OPRD1: variants seen among roughly 807,000 people sequenced by gnomAD.
OPRD1 encodes delta-type opioid receptor.
In OPRD1, 19 loss-of-function variants were observed where a neutral mutation model predicts 17.5. That is an observed-to-expected ratio of 1.09 (90% CI 0.76 to 1.60). The LOEUF (loss-of-function observed/expected upper bound fraction) is 1.60, where lower values mean the gene tolerates loss of function less well. OPRD1 is among the 40% of genes most tolerant of loss of function. The pLI is 0.00. For missense variants in OPRD1, 483 were observed against 547.2 expected, an observed-to-expected ratio of 0.88 and a Z score of 1.17; for synonymous variants, 256 against 240.9, an observed-to-expected ratio of 1.06 and a Z score of -0.58.
chr1:28,816,436 G>C (rs2088671598), intron 1 of OPRD1, among the ~76,000 whole-genome samples: 1 of 152,164 alleles, frequency 6.6e-6, no homozygotes, highest in Admixed American at 6.5e-5. Flanking sequence ...ATGCTGATGA[G>C]GGCCTGAACG....
In OPRD1 at chr1:28,870,232, CT is replaced by C. The variant is rs528009990; in HGVS notation, c.*6960del. 0.042 allele frequency: 6,052 copies of C among 143,210 alleles called. 174 individuals carry two copies. The highest frequency in any genetic ancestry group is 0.074 in the Admixed American group (1,054 of 14,290). The allele number at this position is 143,210 out of a possible 1,614,324, so 8.9% of individuals were successfully genotyped here. ...GCCATGCCTGCACCAACCCATGCTT[CT>C]TTTTTTTTTTCTTTCTTTCTTTCTT... On this transcript the variant is annotated 3_prime_UTR_variant, in exon 3 of 3. Coordinates refer to ENST00000234961, the MANE Select transcript of OPRD1 (RefSeq NM_000911.4).
intron 2 of OPRD1, among the ~76,000 whole-genome samples, chr1:28,862,168 C>G (rs1446595737): frequency 6.6e-6 from 1 of 151,960 alleles, no homozygotes; most frequent in Admixed American, 6.6e-5. Context: ...CTGCCCTCCT[C>G]GGCCTCCCAA....
chr1:28,812,402 G>C lies in OPRD1; in HGVS notation c.19G>C (p.Ala7Pro). The change falls in exon 1 of 3, where the codon GCC (alanine) becomes CCC (proline). Residue 7 changes from alanine to proline, a missense_variant. Transcript: ENST00000234961. ...GGCAGCCATGGAACCGGCCCCCTCC[G>C]CCGGCGCCGAGCTGCAGCCCCCGCT... MEPAPS[A>P]GAELQPPLFA... 6.9e-7 allele frequency: 1 copy of C among 1,441,026 alleles called. No individual in the cohort carries two copies. The highest frequency in any genetic ancestry group is 9.1e-7 in the Non-Finnish European group (1 of 1,103,510). The allele number at this position is 1,441,026 out of a possible 1,614,324, so 89.3% of individuals were successfully genotyped here.
intron 2 of OPRD1, among the ~76,000 whole-genome samples, chr1:28,860,821 A>G (rs570397425): frequency 6.6e-6 from 1 of 152,214 alleles, no homozygotes; most frequent in East Asian, 1.9e-4. Flanking sequence ...GTGGGAGAGA[A>G]CAAGCTTCTT....
chr1:28,824,462 C>T (rs1219367638), intron 1 of OPRD1, among the ~76,000 whole-genome samples: 7 of 151,378 alleles, frequency 4.6e-5, no homozygotes, highest in African/African-American at 7.3e-5. Context: ...TACAGGCGCC[C>T]GCCACCACAC....
chr1:28,822,688 C>T (rs555556232), intron 1 of OPRD1, among the ~76,000 whole-genome samples: 1 of 151,452 alleles, frequency 6.6e-6, no homozygotes, highest in African/African-American at 2.4e-5. Context: ...CGGGGTTTCA[C>T]CATGTTGGCC....
chr1:28,852,961 C>T (rs1020210153), intron 1 of OPRD1, among the ~76,000 whole-genome samples: 1 of 152,106 alleles, frequency 6.6e-6, no homozygotes, highest in African/African-American at 2.4e-5. Context: ...CTCAGGTGAT[C>T]TACCCACCTT....
chr1:28,858,115 CTTTT>C (rs1233337916), intron 1 of OPRD1, among the ~76,000 whole-genome samples: 1 of 112,954 alleles, frequency 8.9e-6, no homozygotes, highest in Non-Finnish European at 1.8e-5. Flanking sequence ...CTTTTTTTTT[CTTTT>C]TTTTTTTTTT....
intron 2 of OPRD1, among the ~76,000 whole-genome samples, chr1:28,861,942 C>T (rs1219894682): frequency 1.2e-4 from 18 of 145,298 alleles, no homozygotes; most frequent in South Asian, 2.1e-4. Flanking sequence ...GACGGAGTCT[C>T]GCTCTGTCGC....
Position 28,862,920 on chromosome 1 carries a change from G to A in OPRD1, c.756G>A (p.Lys252=). 1 of 1,612,888 alleles carries A rather than the reference G, an allele frequency of 6.2e-7. No homozygotes were observed. Among genetic ancestry groups the A allele is most frequent in the Non-Finnish European group, 8.5e-7 (1 of 1,179,974 alleles). The change falls in exon 3 of 3, where the codon AAG becomes AAA. Residue 252 remains lysine, a synonymous_variant. Coordinates refer to ENST00000234961, the MANE Select transcript of OPRD1 (RefSeq NM_000911.4). ...GCCTGCTGTCGGGCTCCAAGGAGAA[G>A]GACCGCAGCCTGCGGCGCATCACGC... ...SVRLLSGSKE[K]DRSLRRITRM... is the part of the protein sequence containing the mutation.
At chr1:28,816,101 A>G (rs1168327088) in intron 1 of OPRD1, among the ~76,000 whole-genome samples, 1 of 152,156 alleles carries the variant, frequency 6.6e-6, no homozygotes, top group African/African-American at 2.4e-5. Flanking sequence ...CTCTGTGTGA[A>G]GGACTGAAAA....
chr1:28,827,745 C>CCG (rs373366456), intron 1 of OPRD1, among the ~76,000 whole-genome samples: 4,586 of 151,440 alleles, frequency 0.03, 219 homozygotes, highest in African/African-American at 0.1. Context: ...TTTCCCCCTG[C>CCG]TCAGAGACAC....
intron 2 of OPRD1, 74 bp from the exon 3 acceptor site, chr1:28,862,667 TG>T (rs2089133506): frequency 7.1e-7 from 1 of 1,417,470 alleles, no homozygotes; most frequent in Non-Finnish European, 9.5e-7. Flanking sequence ...CTTGAAAGGG[TG>T]GGCAAGCAGG....
chr1:28,826,515 C>CA (rs1023997934), intron 1 of OPRD1, among the ~76,000 whole-genome samples: 50 of 144,842 alleles, frequency 3.5e-4, no homozygotes, highest in African/African-American at 6.9e-4. Flanking sequence ...GACCCTGTCT[C>CA]AAAAAAAAAT....
chr1:28,816,293 T>A (rs2124256019), intron 1 of OPRD1, among the ~76,000 whole-genome samples: 1 of 151,944 alleles, frequency 6.6e-6, no homozygotes, highest in African/African-American at 2.4e-5. Context: ...ATGTGGGGGA[T>A]TTGGGAGCCC....
chr1:28,863,696 CAG>C lies in OPRD1; in HGVS notation c.*414_*415del, dbSNP rs553569413. ...ACTTTCGGAGTTGGGGGTCCGGGCC[CAG>C]GACCCAGAAAGGGCAGTGGTGGGGA... On this transcript the variant is annotated 3_prime_UTR_variant, in exon 3 of 3. Transcript: ENST00000234961. The C allele has an allele frequency of 2.1e-4, 38 of 176,946 alleles. 1 individual carries two copies. The South Asian group carries it at 7.1e-3, about 33-fold the overall frequency. The allele number at this position is 176,946 out of a possible 1,614,324, so 11.0% of individuals were successfully genotyped here. A position where few individuals can be genotyped will look rare whatever the true frequency, so the allele number is the denominator to read the frequency against.
intron 1 of OPRD1, among the ~76,000 whole-genome samples, chr1:28,832,954 G>A (rs2088821288): frequency 6.6e-6 from 1 of 152,116 alleles, no homozygotes; most frequent in Non-Finnish European, 1.5e-5. Flanking sequence ...ATAAACTTGT[G>A]GACATTATTT....
Position 28,816,324 on chromosome 1 carries a change from T to C in OPRD1, c.227+3714T>C, listed in dbSNP as rs143309597. 1.5e-3 allele frequency among the ~76,000 whole-genome samples: 221 copies of C among 151,328 alleles called. 3 individuals are homozygous for C. The highest frequency in any genetic ancestry group is 4.9e-3 in the African/African-American group (201 of 41,216). ...AGCCCATGATGGGGGCAGGGGAGGG[T>C]CTCAGCTGGGCGGAGAGATCAGAGA... On this transcript the variant is annotated intron_variant, in intron 1 of 2. Coordinates refer to ENST00000234961, the MANE Select transcript of OPRD1 (RefSeq NM_000911.4).
chr1:28,837,016 A>G (rs566322065), intron 1 of OPRD1, among the ~76,000 whole-genome samples: 3 of 152,320 alleles, frequency 2.0e-5, no homozygotes, highest in South Asian at 4.1e-4. Flanking sequence ...ACATCATAAT[A>G]TATAATGAAA....
Sources: gnomAD v4.1 joint callset for allele counts (sites outside exome capture counted in the v4.1 genomes callset) on GRCh38, gnomAD v4.1.1 for gene constraint, MANE v1.5 for transcripts, NCBI Gene and HGNC (gene_info 2026-07-23, HGNC 2026-07-21) for gene names.